PRTG: variants seen among roughly 807,000 people sequenced by gnomAD.
PRTG encodes the protein immunoglobulin superfamily, DCC subclass, member 5.
PRTG carries 67 observed loss-of-function variants against 122.5 expected under a neutral mutation model. The observed-to-expected ratio is 0.55, with a 90% CI of 0.45 to 0.67. The LOEUF is 0.67. Among genes scored for constraint, PRTG ranks in the 30% least tolerant of loss-of-function variants. The pLI, the probability that PRTG is intolerant of heterozygous loss-of-function variation, is 0.00. For missense variants in PRTG, 1,435 were observed against 1,415.4 expected (o/e 1.01, Z -0.22); for synonymous variants, 554 against 501.1 (o/e 1.11, Z -1.41).
At chr15:55,655,434 T>C (rs571237652) in intron 11 of PRTG, 2 of 152,304 alleles carry the variant, frequency 1.3e-5, no homozygotes, top group Non-Finnish European at 2.9e-5. Flanking sequence ...ATTCAACAGA[T>C]CTAGGTTTCT....
intron 16 of PRTG, 120 bp from the exon 17 acceptor site, chr15:55,627,248 G>T: frequency 1.9e-6 from 1 of 519,666 alleles, no homozygotes; most frequent in South Asian, 3.6e-5. Flanking sequence ...TTTTGACATT[G>T]TCAACATCAA....
chr15:55,694,710 A>G (rs1453134614), intron 2 of PRTG, among the ~76,000 whole-genome samples: 1 of 152,190 alleles, frequency 6.6e-6, no homozygotes, highest in East Asian at 1.9e-4. Flanking sequence ...TGAATGTTAG[A>G]GCCTTTTAAG....
At chr15:55,633,913 T>C (rs575560962) in intron 15 of PRTG, among the ~76,000 whole-genome samples, 44 of 152,316 alleles carry the variant, frequency 2.9e-4, no homozygotes, top group Admixed American at 7.8e-4. Context: ...CACTATTATA[T>C]AGCTAGAAAG....
intron 2 of PRTG, among the ~76,000 whole-genome samples, chr15:55,725,832 T>C (rs192412474): frequency 1.3e-5 from 2 of 152,194 alleles, no homozygotes; most frequent in African/African-American, 2.4e-5. Flanking sequence ...AGTGCAGTGG[T>C]GCCATCGCAG....
intron 11 of PRTG, among the ~76,000 whole-genome samples, chr15:55,661,336 CT>C (rs979742528): frequency 1.2e-4 from 18 of 152,208 alleles, no homozygotes; most frequent in African/African-American, 3.6e-4. Flanking sequence ...TGCATCCCAA[CT>C]GGTATTTCAC....
intron 14 of PRTG, among the ~76,000 whole-genome samples, chr15:55,638,215 C>A (rs2059268573): frequency 6.6e-6 from 1 of 152,110 alleles, no homozygotes; most frequent in African/African-American, 2.4e-5. Context: ...AACGTTGGCT[C>A]CTAAGATCAT....
intron 11 of PRTG, among the ~76,000 whole-genome samples, chr15:55,671,321 A>G (rs969252217): frequency 3.3e-5 from 5 of 152,146 alleles, no homozygotes; most frequent in African/African-American, 9.7e-5. Context: ...TAAAATCCTA[A>G]TATGTCCAGA....
At chr15:55,716,435 T>C (rs2030603292) in intron 2 of PRTG, among the ~76,000 whole-genome samples, 1 of 152,240 alleles carries the variant, frequency 6.6e-6, no homozygotes. Flanking sequence ...CTAATCCATG[T>C]GACTGAACTC....
Position 55,740,371 on chromosome 15 carries a change from T to TA in PRTG, c.397+10dup, listed in dbSNP as rs773346151. The stretch of plus-strand genomic sequence containing the variant: ...TGAAAAATGTCAACAACTAAAAACT[T>TA]AAACACTTACTTGATAAGGCAAGAT... On this transcript the variant is annotated intron_variant, in intron 2 of 19. Coordinates refer to ENST00000389286, the MANE Select transcript of PRTG (RefSeq NM_173814.6). 4 of 1,573,456 alleles carry TA rather than the reference T, an allele frequency of 2.5e-6. No homozygotes were observed. In the South Asian group the frequency reaches 3.6e-5, roughly 14 times the overall value.
Position 55,740,563 on chromosome 15 carries a change from C to T in PRTG, c.216G>A (p.Trp72Ter). ...AHGEVPIKVT[W>*]LKNGAKMSEN... ...CAGACATTTTTGCTCCATTTTTCAA[C>T]CATGTGACCTTAATAGGAACTTCTC... The change falls in exon 2 of 20, where the codon TGG becomes TGA. Residue 72 changes from tryptophan (W) to a stop codon, truncating the protein, a stop_gained. Transcript: ENST00000389286. LOFTEE classifies it high-confidence loss of function. The T allele has an allele frequency of 6.2e-7, 1 of 1,614,172 alleles. No individual in the cohort carries two copies. The highest frequency in any genetic ancestry group is 1.1e-5 in the South Asian group (1 of 91,084).
At chr15:55,666,582 AT>A (rs1399881481) in intron 11 of PRTG, among the ~76,000 whole-genome samples, 1 of 152,226 alleles carries the variant, frequency 6.6e-6, no homozygotes, top group Non-Finnish European at 1.5e-5. Flanking sequence ...TTTTAACAAG[AT>A]CTGTGGGTAA....
chr15:55,742,418 GA>G (rs2031638356), intron 1 of PRTG: 1 of 163,554 alleles, frequency 6.1e-6, no homozygotes, highest in Non-Finnish European at 1.3e-5. Flanking sequence ...TGCCACTAAG[GA>G]AACAATATAA....
chr15:55,633,589 G>A (rs1316837487), intron 15 of PRTG, among the ~76,000 whole-genome samples: 1 of 152,092 alleles, frequency 6.6e-6, no homozygotes, highest in Admixed American at 6.6e-5. Context: ...ATGAGAAACT[G>A]ACACTCTCCC....
intron 15 of PRTG, among the ~76,000 whole-genome samples, chr15:55,629,795 CATGAATAT>C (rs72396841): frequency 0.3 from 45,074 of 150,332 alleles, 8,658 homozygotes; most frequent in East Asian, 0.94. Context: ...TTTTTGAAAG[CATGAATAT>C]ATTTTTACTG....
Position 55,639,728 on chromosome 15 carries a change from T to C in PRTG, c.2238A>G (p.Ala746=). The change falls in exon 13 of 20, where the codon GCA becomes GCG. Residue 746 remains alanine (A), a synonymous_variant. Transcript: ENST00000389286. ...SSIFLHWRRP[A]FTAAQIINYT... ...AGTTAATGATTTGTGCAGCGGTGAA[T>C]GCAGGCCTCCTCCAGTGCAGGAAGA... 1 of 1,614,094 alleles carries C rather than the reference T, an allele frequency of 6.2e-7. No individual in the cohort carries two copies. Among genetic ancestry groups the C allele is most frequent in the South Asian group, 1.1e-5 (1 of 91,064 alleles).
At chr15:55,662,046 A>G (rs1462142750) in intron 11 of PRTG, among the ~76,000 whole-genome samples, 3 of 152,198 alleles carry the variant, frequency 2.0e-5, no homozygotes, top group Admixed American at 6.5e-5. Context: ...AGGTCCAGGA[A>G]AAAAAACTCA....
chr15:55,742,410 C>G, intron 1 of PRTG: 1 of 160,112 alleles, frequency 6.2e-6, no homozygotes, highest in Non-Finnish European at 1.4e-5. Context: ...GGCGAGGCTG[C>G]CACTAAGGAA....
At chr15:55,739,473 G>A (rs6493814) in intron 2 of PRTG, among the ~76,000 whole-genome samples, 75,037 of 151,874 alleles carry the variant, frequency 0.49, 19,815 homozygotes, top group Non-Finnish European at 0.61. Context: ...GGTATAGTGC[G>A]AAATCTATGC....
At chr15:55,649,066 C>G (rs959724404) in intron 11 of PRTG, among the ~76,000 whole-genome samples, 2 of 149,528 alleles carry the variant, frequency 1.3e-5, no homozygotes, top group African/African-American at 4.9e-5. Context: ...CACTGCACTC[C>G]AGACTGAGCA....
Sources: allele counts gnomAD v4.1 joint callset (sites outside exome capture counted in the v4.1 genomes callset), GRCh38; gene constraint gnomAD v4.1.1; transcripts MANE v1.5; gene names NCBI Gene and HGNC (gene_info 2026-07-23, HGNC 2026-07-21).